The following KDELR3 variants were observed in gnomAD, a reference collection of about 807,000 sequenced individuals.
The protein encoded by KDELR3 is ER lumen protein-retaining receptor 3.
Under a neutral mutation model 22.7 loss-of-function variants are expected in KDELR3, and 26 were observed. The ratio of observed to expected loss-of-function variants is 1.15; its 90% CI spans 0.84 to 1.59. The LOEUF (loss-of-function observed/expected upper bound fraction) is 1.59, where lower values mean the gene tolerates loss of function less well. Ranked by LOEUF, KDELR3 falls within the 40% of genes most tolerant of loss-of-function variation. KDELR3 has a pLI of 0.00. For missense variants in KDELR3, 289 were observed against 251.1 expected, an observed-to-expected ratio of 1.15 and a Z score of -1.02; for synonymous variants, 120 against 98.2, an observed-to-expected ratio of 1.22 and a Z score of -1.31.
intron 4 of KDELR3, 72 bp from the exon 5 acceptor site, chr22:38,482,424 A>T (rs1569134452): frequency 1.6e-6 from 2 of 1,232,390 alleles, no homozygotes; most frequent in Non-Finnish European, 2.4e-6. Context: ...TGATACCAAG[A>T]TTATGCATCA....
chr22:38,468,165 G>C lies in KDELR3; in HGVS notation c.-69G>C. The C allele has an allele frequency of 7.0e-7, 1 of 1,426,656 alleles. No individual in the cohort carries two copies. Among genetic ancestry groups the C allele is most frequent in the East Asian group, 2.3e-5 (1 of 42,822 alleles). 88.4% of individuals were successfully genotyped at this position (1,426,656 alleles called of 1,614,324 possible). A position where few individuals can be genotyped will look rare whatever the true frequency, so the allele number is the denominator to read the frequency against. On this transcript the variant is annotated 5_prime_UTR_variant, in exon 1 of 5. Coordinates refer to ENST00000216014, the MANE Select transcript of KDELR3 (RefSeq NM_006855.4). ...AGAGACCGGGGCCGGAGACGTGGCA[G>C]CCGCCCTGCCCGCCAGAAAGTTTCC...
Position 38,482,107 on chromosome 22 carries a change from C to T in KDELR3, c.605-389C>T, listed in dbSNP as rs531711705. Among the ~76,000 whole-genome samples the T allele has an allele frequency of 5.3e-5, 8 of 152,240 alleles. No individual in the cohort carries two copies. In the South Asian group the frequency reaches 1.7e-3, roughly 32 times the overall value. ...TATTGGGTCATTAAAAAACCCAATCCACTAGCTGCTATGTAGGGTAGAAAG... is the reference window on the plus strand; with the variant it reads ...TATTGGGTCATTAAAAAACCCAATCTACTAGCTGCTATGTAGGGTAGAAAG... On this transcript the variant is annotated intron_variant, in intron 4 of 4. Coordinates refer to ENST00000216014, the MANE Select transcript of KDELR3 (RefSeq NM_006855.4).
intron 4 of KDELR3, among the ~76,000 whole-genome samples, chr22:38,482,002 C>T (rs1256424198): frequency 2.0e-5 from 3 of 152,126 alleles, no homozygotes; most frequent in South Asian, 2.1e-4. Context: ...CATCCTGAGC[C>T]GCGGGTTGGA....
Position 38,482,552 on chromosome 22 carries a change from G to A in KDELR3, c.*16G>A. ...GCCAATCTGAGGACCTTCAGAGACA[G>A]TCTACGCCTTAACAAGCACATGAAG... On this transcript the variant is annotated 3_prime_UTR_variant, in exon 5 of 5. Transcript: ENST00000216014. 6.2e-7 allele frequency: 1 copy of A among 1,604,472 alleles called. No individual in the cohort carries two copies. The highest frequency in any genetic ancestry group is 1.3e-5 in the African/African-American group (1 of 74,800).
chr22:38,481,641 A>T, intron 4 of KDELR3, 177 bp downstream of exon 4: 12 of 1,458,066 alleles, frequency 8.2e-6, no homozygotes, highest in Non-Finnish European at 9.9e-6. Context: ...AAAAACATGC[A>T]GGCCAATAGG....
chr22:38,470,276 A>G (rs747510143), intron 1 of KDELR3, among the ~76,000 whole-genome samples: 5 of 151,066 alleles, frequency 3.3e-5, no homozygotes, highest in African/African-American at 4.9e-5. Context: ...GACGCCCGCC[A>G]TCACACTCAG....
intron 1 of KDELR3, among the ~76,000 whole-genome samples, chr22:38,473,455 TAAAAAAG>T (rs1362664900): frequency 9.4e-6 from 1 of 105,856 alleles, no homozygotes; most frequent in Non-Finnish European, 2.4e-5. Flanking sequence ...AAGAAAAAAA[TAAAAAAG>T]AAAGAAACAT....
intron 1 of KDELR3, among the ~76,000 whole-genome samples, chr22:38,473,447 G>T (rs1027808946): frequency 9.0e-6 from 1 of 111,366 alleles, no homozygotes; most frequent in East Asian, 2.6e-4. Context: ...TCTCTAAAAA[G>T]AAAAAAATAA....
rs191715040 is a variant in KDELR3 at position 38,482,804 on chromosome 22, C to T, written c.*268C>T. On this transcript the variant is annotated 3_prime_UTR_variant, in exon 5 of 5. Transcript: ENST00000216014. ...AACAAGAAACCTTAAGGTGTCTTAC[C>T]GACGAAATAAAAAACATAAATGATT... 20 of 458,128 alleles carry T rather than the reference C, an allele frequency of 4.4e-5. No homozygotes were observed. The East Asian group carries it at 5.2e-4, about 12-fold the overall frequency. The allele number at this position is 458,128 out of a possible 1,614,324, so 28.4% of individuals were successfully genotyped here.
chr22:38,479,456 A>C, intron 2 of KDELR3, 137 bp from the exon 3 acceptor site: 1 of 765,918 alleles, frequency 1.3e-6, no homozygotes, highest in Non-Finnish European at 2.2e-6. Flanking sequence ...ACCCAAGATA[A>C]ATTGCAAACA....
At chr22:38,472,054 C>A (rs1395566176) in intron 1 of KDELR3, among the ~76,000 whole-genome samples, 1 of 152,088 alleles carries the variant, frequency 6.6e-6, no homozygotes, top group South Asian at 2.1e-4. Flanking sequence ...TACAGGGGAA[C>A]CAGACCCTGA....
chr22:38,472,236 G>A (rs376084491), intron 1 of KDELR3, among the ~76,000 whole-genome samples: 1 of 152,168 alleles, frequency 6.6e-6, no homozygotes, highest in African/African-American at 2.4e-5. Context: ...CCAGCACTTT[G>A]GGAGGCCGAA....
intron 2 of KDELR3, among the ~76,000 whole-genome samples, chr22:38,476,913 T>C (rs2089563473): frequency 6.6e-6 from 1 of 151,242 alleles, no homozygotes; most frequent in Non-Finnish European, 1.5e-5. Flanking sequence ...TCAAGTTATT[T>C]ATTTATTTAT....
intron 2 of KDELR3, among the ~76,000 whole-genome samples, chr22:38,476,093 C>T (rs986110981): frequency 6.6e-6 from 1 of 151,872 alleles, no homozygotes; most frequent in African/African-American, 2.4e-5. Context: ...CCATGCCTGG[C>T]TAATTTTTTT....
intron 2 of KDELR3, among the ~76,000 whole-genome samples, chr22:38,474,836 C>A (rs1055749929): frequency 4.6e-5 from 7 of 152,000 alleles, no homozygotes; most frequent in Non-Finnish European, 1.0e-4. Flanking sequence ...GTGGCTCATG[C>A]CTGTAATCCC....
intron 2 of KDELR3, among the ~76,000 whole-genome samples, chr22:38,478,731 C>G (rs1413861804): frequency 7.2e-6 from 1 of 139,154 alleles, no homozygotes; most frequent in African/African-American, 2.6e-5. Context: ...CAACCTCTGC[C>G]TCCCGGGTTC....
At position 38,482,775 on chromosome 22, in the gene KDELR3, C is replaced by G. The variant is rs2089614097; in HGVS notation, c.*239C>G. 2 of 523,506 alleles carry G rather than the reference C, an allele frequency of 3.8e-6. No individual in the cohort carries two copies. The highest frequency in any genetic ancestry group is 6.1e-5 in the East Asian group (2 of 32,980). The allele number at this position is 523,506 out of a possible 1,614,324, so 32.4% of individuals were successfully genotyped here. On this transcript the variant is annotated 3_prime_UTR_variant, in exon 5 of 5. Coordinates refer to ENST00000216014, the MANE Select transcript of KDELR3 (RefSeq NM_006855.4). ...CCACCTGCACAAAGATGGTGCCTCA[C>G]TGCAACAAGAAACCTTAAGGTGTCT...
chr22:38,468,948 C>T (rs1468984876), intron 1 of KDELR3, among the ~76,000 whole-genome samples: 1 of 152,224 alleles, frequency 6.6e-6, no homozygotes, highest in Non-Finnish European at 1.5e-5. Flanking sequence ...CTCGCGGTCG[C>T]CAACAGATCC....
intron 2 of KDELR3, among the ~76,000 whole-genome samples, chr22:38,476,961 G>C (rs1425623692): frequency 4.0e-5 from 6 of 151,394 alleles, no homozygotes; most frequent in Admixed American, 1.3e-4. Context: ...CCAGGGTGGA[G>C]TGCAGTGGCG....
Sources: allele counts gnomAD v4.1 joint callset (sites outside exome capture counted in the v4.1 genomes callset), GRCh38; gene constraint gnomAD v4.1.1; transcripts MANE v1.5; gene names NCBI Gene and HGNC (gene_info 2026-07-23, HGNC 2026-07-21).